SCN11A: variants seen among roughly 807,000 people sequenced by gnomAD.
SCN11A encodes sodium voltage-gated channel alpha subunit 11.
Under a neutral mutation model 162.2 loss-of-function variants are expected in SCN11A, and 122 were observed. The ratio of observed to expected loss-of-function variants is 0.75; its 90% confidence interval spans 0.65 to 0.87. The LOEUF is 0.87. Among genes scored for constraint, SCN11A ranks in the 40% least tolerant of loss-of-function variants. The pLI is 0.00. For missense variants in SCN11A, 2,015 were observed against 2,181.6 expected, an observed-to-expected ratio of 0.92 and a Z score of 1.52; for synonymous variants, 758 against 751.5, an observed-to-expected ratio of 1.01 and a Z score of -0.14.
chr3:38,980,085 C>T (rs142822913), intron 2 of SCN11A, among the ~76,000 whole-genome samples: 6 of 152,296 alleles, frequency 3.9e-5, no homozygotes, highest in Non-Finnish European at 7.3e-5. Context: ...AGAACCTGAG[C>T]GACTCAGTGT....
intron 2 of SCN11A, among the ~76,000 whole-genome samples, chr3:39,003,442 T>C (rs1232531638): frequency 6.6e-6 from 1 of 152,228 alleles, no homozygotes; most frequent in Non-Finnish European, 1.5e-5. Flanking sequence ...TGATGGGCAT[T>C]TGGGTTGATT....
intron 13 of SCN11A, among the ~76,000 whole-genome samples, chr3:38,908,519 T>G (rs986621969): frequency 6.6e-6 from 1 of 152,128 alleles, no homozygotes; most frequent in African/African-American, 2.4e-5. Context: ...AATCTGAGAC[T>G]TGAGCTGGAA....
In SCN11A at chr3:39,003,168, T is replaced by C. The variant is rs1390763029; in HGVS notation, c.-280+29212A>G. ...ACCGAATAGCTATCATTTCTTCTCT[T>C]CTCCCACTTCCCACCCTCCATCCTC... On this transcript the variant is annotated intron_variant, in intron 2 of 29. Coordinates refer to ENST00000302328, the MANE Select transcript of SCN11A (RefSeq NM_001349253.2). Among the ~76,000 whole-genome samples the C allele has an allele frequency of 4.6e-5, 7 of 152,060 alleles. No homozygotes were observed. The South Asian group carries it at 1.0e-3, about 22-fold the overall frequency.
At chr3:39,005,421 G>T (rs987556598) in intron 2 of SCN11A, among the ~76,000 whole-genome samples, 4 of 152,224 alleles carry the variant, frequency 2.6e-5, no homozygotes, top group Non-Finnish European at 5.9e-5. Flanking sequence ...CCTGAGAGGG[G>T]TAACAAAGCT....
At chr3:38,950,996 C>G (rs2066604626) in intron 4 of SCN11A, among the ~76,000 whole-genome samples, 1 of 152,266 alleles carries the variant, frequency 6.6e-6, no homozygotes, top group African/African-American at 2.4e-5. Context: ...GCTGGCAGTC[C>G]TCACAGCCCT....
At chr3:38,942,060 TTAATA>T (rs1363494477) in intron 7 of SCN11A, among the ~76,000 whole-genome samples, 1 of 152,134 alleles carries the variant, frequency 6.6e-6, no homozygotes, top group East Asian at 1.9e-4. Flanking sequence ...AGTAGCTATA[TTAATA>T]TTAGACAAAA....
At chr3:38,949,335 C>T (rs796200427) in intron 5 of SCN11A, among the ~76,000 whole-genome samples, 5 of 152,352 alleles carry the variant, frequency 3.3e-5, no homozygotes, top group African/African-American at 1.2e-4. Context: ...TTCCCTCACT[C>T]GGGAGCCCCT....
At chr3:38,849,732 T>C (rs561918923) in intron 29 of SCN11A, 7 of 152,348 alleles carry the variant, frequency 4.6e-5, no homozygotes, top group African/African-American at 1.4e-4. Context: ...GATGTGTGTA[T>C]GTGTGTGTTT....
At chr3:38,882,025 G>A (rs1433730867) in intron 22 of SCN11A, among the ~76,000 whole-genome samples, 1 of 152,174 alleles carries the variant, frequency 6.6e-6, no homozygotes, top group African/African-American at 2.4e-5. Context: ...TTGAGTAACA[G>A]TAGACAGCCA....
intron 2 of SCN11A, among the ~76,000 whole-genome samples, chr3:39,029,181 T>C (rs1488409238): frequency 6.6e-6 from 1 of 152,234 alleles, no homozygotes; most frequent in African/African-American, 2.4e-5. Flanking sequence ...GAAGGGGTTA[T>C]ACCAATTTAC....
At chr3:38,902,054 C>T (rs939638971) in intron 16 of SCN11A, among the ~76,000 whole-genome samples, 1 of 152,156 alleles carries the variant, frequency 6.6e-6, no homozygotes, top group African/African-American at 2.4e-5. Context: ...CAGATGAAAA[C>T]AGATCACCAC....
chr3:38,904,925 T>G lies in SCN11A; in HGVS notation c.1603+267A>C, dbSNP rs4553926. 0.89 allele frequency among the ~76,000 whole-genome samples: 135,629 copies of G among 152,196 alleles called. 60,513 individuals carry two copies. The highest frequency in any genetic ancestry group is 0.92 in the South Asian group (4,424 of 4,820). Reference sequence around the variant, plus strand: ...GGTTTGAGGCCCTGTTTATGCATTTTGTCTGAAGTCCCATCCCAAGTCTAG... The same window carrying G: ...GGTTTGAGGCCCTGTTTATGCATTTGGTCTGAAGTCCCATCCCAAGTCTAG... On this transcript the variant is annotated intron_variant, in intron 15 of 29. Transcript: ENST00000302328.
At chr3:38,884,746 C>G (rs1347775824) in intron 21 of SCN11A, among the ~76,000 whole-genome samples, 2 of 152,342 alleles carry the variant, frequency 1.3e-5, no homozygotes, top group Non-Finnish European at 2.9e-5. Flanking sequence ...AGATGCTCTT[C>G]TAAGTGATTT....
At chr3:38,939,421 C>A (rs2066406607) in intron 7 of SCN11A, among the ~76,000 whole-genome samples, 1 of 151,680 alleles carries the variant, frequency 6.6e-6, no homozygotes, top group Non-Finnish European at 1.5e-5. Flanking sequence ...AAGAATATAG[C>A]AAAATATTCA....
At chr3:38,975,232 C>T (rs1330636431) in intron 2 of SCN11A, among the ~76,000 whole-genome samples, 5 of 151,878 alleles carry the variant, frequency 3.3e-5, no homozygotes. Context: ...AAATATACTT[C>T]AAGCAGAAGA....
At chr3:39,029,712 A>G (rs1274510741) in intron 2 of SCN11A, among the ~76,000 whole-genome samples, 2 of 152,236 alleles carry the variant, frequency 1.3e-5, no homozygotes, top group Non-Finnish European at 2.9e-5. Context: ...GAAATGTAAG[A>G]AAAAGGGTCC....
intron 2 of SCN11A, among the ~76,000 whole-genome samples, chr3:39,009,712 TG>T (rs1304983833): frequency 6.6e-6 from 1 of 150,706 alleles, no homozygotes; most frequent in African/African-American, 2.5e-5. Flanking sequence ...GGTCTTGTTT[TG>T]TCACCCAGGC....
chr3:38,880,761 G>T (rs2065295484), intron 22 of SCN11A, among the ~76,000 whole-genome samples: 1 of 152,156 alleles, frequency 6.6e-6, no homozygotes, highest in Admixed American at 6.5e-5. Flanking sequence ...ATTGTTATTT[G>T]TAATTATGAA....
chr3:38,960,948 C>T (rs975070436), intron 2 of SCN11A, among the ~76,000 whole-genome samples: 1 of 152,146 alleles, frequency 6.6e-6, no homozygotes, highest in African/African-American at 2.4e-5. Context: ...TGTCACCAAC[C>T]CAAAACTCCC....
Sources: gnomAD v4.1 joint callset for allele counts (sites outside exome capture counted in the v4.1 genomes callset) on GRCh38, gnomAD v4.1.1 for gene constraint, MANE v1.5 for transcripts, NCBI Gene and HGNC (gene_info 2026-07-23, HGNC 2026-07-21) for gene names.